The following C13orf42 variants were observed in gnomAD, a reference collection of about 807,000 sequenced individuals.
The protein encoded by C13orf42 is uncharacterized protein C13orf42.
intron 1 of C13orf42, among the ~76,000 whole-genome samples, chr13:51,092,984 G>A (rs1271784895): frequency 6.6e-6 from 1 of 151,948 alleles, no homozygotes; most frequent in Non-Finnish European, 1.5e-5. Flanking sequence ...ACTTCAAAAT[G>A]TATCTTTAAC....
intron 1 of C13orf42, among the ~76,000 whole-genome samples, chr13:51,092,603 CACTCA>C (rs1461278244): frequency 3.9e-5 from 6 of 151,924 alleles, no homozygotes; most frequent in Non-Finnish European, 8.8e-5. Flanking sequence ...CTTTCTAAAA[CACTCA>C]ACTTAGTTTC....
chr13:51,150,261 C>T (rs1296073115), intron 1 of C13orf42, among the ~76,000 whole-genome samples: 1 of 152,200 alleles, frequency 6.6e-6, no homozygotes, highest in African/African-American at 2.4e-5. Flanking sequence ...GTCACTTGGT[C>T]ACAGTGAAAA....
intron 1 of C13orf42, among the ~76,000 whole-genome samples, chr13:51,130,105 T>TA (rs1349975798): frequency 6.6e-6 from 1 of 152,214 alleles, no homozygotes; most frequent in Non-Finnish European, 1.5e-5. Flanking sequence ...AAATAAAATA[T>TA]TTTTTCAGAA....
chr13:51,141,095 GGTGTGTGTGTGT>G (rs3043870), intron 1 of C13orf42, among the ~76,000 whole-genome samples: 1,357 of 128,546 alleles, frequency 0.011, 17 homozygotes, highest in Admixed American at 0.02. Flanking sequence ...ATCGAAGGGA[GGTGTGTGTGTGT>G]GTGTGTGTGT....
intron 1 of C13orf42, among the ~76,000 whole-genome samples, chr13:51,098,399 C>T (rs1953257085): frequency 1.3e-5 from 2 of 152,072 alleles, no homozygotes; most frequent in Admixed American, 6.6e-5. Context: ...CAATTCCCCT[C>T]ATCTCCTCAG....
At chr13:51,135,401 G>A (rs1276712484) in intron 1 of C13orf42, among the ~76,000 whole-genome samples, 1 of 152,146 alleles carries the variant, frequency 6.6e-6, no homozygotes, top group Non-Finnish European at 1.5e-5. Flanking sequence ...AGTGCTTTGG[G>A]AGGCCTAGAT....
chr13:51,166,589 A>AT (rs1201411981), intron 1 of C13orf42, among the ~76,000 whole-genome samples: 2 of 136,688 alleles, frequency 1.5e-5, no homozygotes, highest in Admixed American at 1.6e-4. Flanking sequence ...AACTTAAAGT[A>AT]TTAAAAAAAA....
intron 1 of C13orf42, among the ~76,000 whole-genome samples, chr13:51,095,342 TCTTAA>T (rs2137984127): frequency 6.6e-6 from 1 of 152,300 alleles, no homozygotes; most frequent in Non-Finnish European, 1.5e-5. Context: ...GCTTGGTTTT[TCTTAA>T]CTTCTTAGAT....
chr13:51,109,144 G>A (rs540716981), intron 1 of C13orf42, among the ~76,000 whole-genome samples: 36 of 152,336 alleles, frequency 2.4e-4, no homozygotes, highest in African/African-American at 7.5e-4. Context: ...ACCAGGACTC[G>A]TGACTAGGAC....
chr13:51,162,628 G>A (rs532572540), intron 1 of C13orf42, among the ~76,000 whole-genome samples: 2 of 152,272 alleles, frequency 1.3e-5, no homozygotes, highest in South Asian at 4.1e-4. Flanking sequence ...AGAGGTTCTG[G>A]ATGATATCTC....
intron 1 of C13orf42, among the ~76,000 whole-genome samples, chr13:51,146,399 C>T (rs543140062): frequency 6.6e-6 from 1 of 152,232 alleles, no homozygotes; most frequent in South Asian, 2.1e-4. Context: ...AAAATCTCTT[C>T]TTGCTGTGAA....
upstream of C13orf42, among the ~76,000 whole-genome samples, chr13:51,115,539 T>C (rs1953482493): frequency 6.6e-6 from 1 of 152,172 alleles, no homozygotes; most frequent in Admixed American, 6.5e-5. Context: ...CTGTACTTCA[T>C]CTAGAGTCCC....
chr13:51,154,646 A>G (rs575660487), intron 1 of C13orf42, among the ~76,000 whole-genome samples: 4 of 152,364 alleles, frequency 2.6e-5, no homozygotes, highest in African/African-American at 9.6e-5. Context: ...ATGTATTGAC[A>G]TTCATGGCTG....
chr13:51,129,797 T>C (rs961587209), intron 1 of C13orf42, among the ~76,000 whole-genome samples: 1 of 152,220 alleles, frequency 6.6e-6, no homozygotes, highest in African/African-American at 2.4e-5. Flanking sequence ...TACCTTAGGA[T>C]AGAACATGGC....
At chr13:51,109,541 G>A (rs1010551854) in intron 1 of C13orf42, among the ~76,000 whole-genome samples, 1 of 151,944 alleles carries the variant, frequency 6.6e-6, no homozygotes, top group Non-Finnish European at 1.5e-5. Context: ...TTGAGGTCAG[G>A]AGTTTGAGAC....
intron 1 of C13orf42, among the ~76,000 whole-genome samples, chr13:51,091,292 G>A (rs944919341): frequency 7.2e-5 from 11 of 152,130 alleles, no homozygotes; most frequent in South Asian, 2.1e-4. Flanking sequence ...CACTGGTGAC[G>A]TTATTTGTGG....
At chr13:51,095,791 A>G (rs1953229142) in intron 1 of C13orf42, among the ~76,000 whole-genome samples, 1 of 152,082 alleles carries the variant, frequency 6.6e-6, no homozygotes, top group Admixed American at 6.6e-5. Context: ...CTTTTAACAT[A>G]TTAATTATAA....
intron 1 of C13orf42, among the ~76,000 whole-genome samples, chr13:51,170,801 T>G: frequency 6.6e-6 from 1 of 151,980 alleles, no homozygotes. Flanking sequence ...CAGGGGCAAG[T>G]ATCCCTCAAC....
intron 3 of C13orf42, among the ~76,000 whole-genome samples, chr13:51,085,016 T>TG (rs1176099454): frequency 6.6e-6 from 1 of 151,852 alleles, no homozygotes. Flanking sequence ...TCAATGGCAC[T>TG]GGGGGGAAAT....
Sources: gnomAD v4.1 joint callset for allele counts (sites outside exome capture counted in the v4.1 genomes callset) on GRCh38, gnomAD v4.1.1 for gene constraint, MANE v1.5 for transcripts, NCBI Gene and HGNC (gene_info 2026-07-23, HGNC 2026-07-21) for gene names.